Variants in ADARB1 observed in about 807,000 individuals in gnomAD.
ADARB1 encodes the protein double-stranded RNA-specific editase 1.
ADARB1 carries 10 observed loss-of-function variants against 52.4 expected under a neutral mutation model. The ratio of observed to expected loss-of-function variants is 0.19; its 90% CI spans 0.12 to 0.32. The LOEUF is 0.32. Among genes scored for constraint, ADARB1 ranks in the 10% least tolerant of loss-of-function variants. The probability of loss-of-function intolerance (pLI) is 1.00; values close to 1 mark genes in which losing one functional copy is unlikely to be tolerated. For synonymous variants in ADARB1, 349 were observed against 371.1 expected (o/e 0.94, Z 0.68); for missense variants, 643 against 922.3 (o/e 0.70, Z 3.92).
At chr21:45,124,880 C>T (rs1323422271) in intron 1 of ADARB1, among the ~76,000 whole-genome samples, 3 of 151,906 alleles carry the variant, frequency 2.0e-5, no homozygotes, top group African/African-American at 7.3e-5. Context: ...TCACTGCAGC[C>T]TCGACCATTC....
At chr21:45,213,654 A>C (rs926975393) in intron 9 of ADARB1, among the ~76,000 whole-genome samples, 3 of 152,178 alleles carry the variant, frequency 2.0e-5, no homozygotes, top group African/African-American at 7.2e-5. Context: ...TAAGGTTTGC[A>C]CCGTTTTGGT....
intron 2 of ADARB1, chr21:45,145,768 A>G (rs1238111313): frequency 2.0e-5 from 3 of 152,306 alleles, no homozygotes; most frequent in East Asian, 1.9e-4. Flanking sequence ...TCCCTCAACA[A>G]GCTTACCGTG....
intron 4 of ADARB1, chr21:45,177,045 T>C: frequency 5.6e-6 from 1 of 178,270 alleles, no homozygotes; most frequent in South Asian, 1.6e-4. Context: ...TGCCCCCAGT[T>C]CAGCACCATT....
At chr21:45,180,929 T>G (rs1405879700) in intron 5 of ADARB1, among the ~76,000 whole-genome samples, 4 of 151,988 alleles carry the variant, frequency 2.6e-5, no homozygotes, top group Admixed American at 6.5e-5. Flanking sequence ...AGTCTAGAAG[T>G]TCCCAGTAGC....
intron 2 of ADARB1, among the ~76,000 whole-genome samples, chr21:45,148,373 G>GTATT: frequency 6.6e-6 from 1 of 152,182 alleles, no homozygotes; most frequent in African/African-American, 2.4e-5. Flanking sequence ...GTCCTGGGAC[G>GTATT]GCCCCAGTAT....
chr21:45,223,414 G>A lies in ADARB1; in HGVS notation c.*1217G>A. On this transcript the variant is annotated 3_prime_UTR_variant, in exon 11 of 11. Transcript: ENST00000348831. ...CACGACAGAGGGAGTCAGCCCGGGAGGTCAGGAGCGCGGCGGGCGAGGGCC... is the reference window on the plus strand; with the variant it reads ...CACGACAGAGGGAGTCAGCCCGGGAAGTCAGGAGCGCGGCGGGCGAGGGCC... 1 of 985,862 alleles carries A rather than the reference G, an allele frequency of 1.0e-6. No homozygotes were observed. The highest frequency in any genetic ancestry group is 1.2e-6 in the Non-Finnish European group (1 of 830,236). The allele number at this position is 985,862 out of a possible 1,614,324, so 61.1% of individuals were successfully genotyped here.
chr21:45,164,885 G>A (rs1000785994), intron 2 of ADARB1, among the ~76,000 whole-genome samples: 23 of 152,164 alleles, frequency 1.5e-4, no homozygotes, highest in Non-Finnish European at 1.3e-4. Context: ...GACATGGGGT[G>A]TGGGGTGAGA....
intron 4 of ADARB1, among the ~76,000 whole-genome samples, chr21:45,178,196 A>G (rs1198056795): frequency 6.6e-6 from 1 of 152,228 alleles, no homozygotes; most frequent in African/African-American, 2.4e-5. Context: ...TCGAAGTGCC[A>G]GTAGAGATGT....
At chr21:45,122,194 G>A (rs879097698) in intron 1 of ADARB1, among the ~76,000 whole-genome samples, 12 of 152,206 alleles carry the variant, frequency 7.9e-5, no homozygotes, top group Admixed American at 3.3e-4. Context: ...GAAAATGAGA[G>A]TACTTAGTTT....
At chr21:45,185,148 GT>G in intron 8 of ADARB1, 57 bp downstream of exon 8, 2 of 1,559,270 alleles carry the variant, frequency 1.3e-6, no homozygotes, top group Non-Finnish European at 1.7e-6. Flanking sequence ...CATCCATACT[GT>G]TTGCCAACCT....
chr21:45,124,365 C>T (rs2088419601), intron 1 of ADARB1, among the ~76,000 whole-genome samples: 1 of 151,982 alleles, frequency 6.6e-6, no homozygotes, highest in Non-Finnish European at 1.5e-5. Flanking sequence ...TTCCTTCCTT[C>T]CCTTTTCTTC....
intron 2 of ADARB1, among the ~76,000 whole-genome samples, chr21:45,146,625 C>T (rs181846443): frequency 9.2e-5 from 14 of 152,308 alleles, no homozygotes; most frequent in Non-Finnish European, 4.4e-5. Context: ...CTGTAGAAAT[C>T]AAATCAGATG....
At chr21:45,155,928 C>T (rs1463603199) in intron 2 of ADARB1, among the ~76,000 whole-genome samples, 2 of 112,314 alleles carry the variant, frequency 1.8e-5, no homozygotes, top group East Asian at 2.8e-4. Flanking sequence ...TCCACCCACC[C>T]ACCCATCATC....
intron 8 of ADARB1, among the ~76,000 whole-genome samples, chr21:45,194,385 T>A (rs542521872): frequency 3.3e-5 from 5 of 152,224 alleles, no homozygotes; most frequent in African/African-American, 1.2e-4. Flanking sequence ...CATCACAGTG[T>A]GAGACCAGAG....
chr21:45,096,732 G>T (rs976242368), intron 1 of ADARB1, among the ~76,000 whole-genome samples: 1 of 152,138 alleles, frequency 6.6e-6, no homozygotes, highest in African/African-American at 2.4e-5. Flanking sequence ...CTTGGGCTTC[G>T]GGAGGAATTT....
intron 1 of ADARB1, among the ~76,000 whole-genome samples, chr21:45,124,852 C>G (rs2088479482): frequency 6.6e-6 from 1 of 150,516 alleles, no homozygotes. Flanking sequence ...GGCCGGAGTG[C>G]AGTGGTGCAA....
In ADARB1 at chr21:45,109,170, T is replaced by C. The variant is rs186492652; in HGVS notation, c.-219-19232T>C. ...GTGCGCGCGTGTGCGTATATGTGTGTGCGCGCGTGTGCGTATATGTGTGTG... is the reference window on the plus strand; with the variant it reads ...GTGCGCGCGTGTGCGTATATGTGTGCGCGCGCGTGTGCGTATATGTGTGTG... On this transcript the variant is annotated intron_variant, in intron 1 of 10. Transcript: ENST00000348831. Among the ~76,000 whole-genome samples the C allele has an allele frequency of 1.5e-4, 23 of 149,816 alleles. No individual in the cohort carries two copies. In the East Asian group the frequency reaches 2.2e-3, roughly 14 times the overall value.
At chr21:45,178,151 G>A (rs565036353) in intron 4 of ADARB1, among the ~76,000 whole-genome samples, 18 of 152,330 alleles carry the variant, frequency 1.2e-4, no homozygotes, top group African/African-American at 4.3e-4. Flanking sequence ...TGAACCTTCA[G>A]TGTGTAGGCT....
chr21:45,163,643 AG>A (rs1287273685), intron 2 of ADARB1, among the ~76,000 whole-genome samples: 1 of 152,232 alleles, frequency 6.6e-6, no homozygotes, highest in East Asian at 1.9e-4. Context: ...CTCCATCCAC[AG>A]CAGCGAGCCT....
Sources: allele counts gnomAD v4.1 joint callset (sites outside exome capture counted in the v4.1 genomes callset), GRCh38; gene constraint gnomAD v4.1.1; transcripts MANE v1.5; gene names NCBI Gene and HGNC (gene_info 2026-07-23, HGNC 2026-07-21).